Variants in ALDH16A1 observed in about 807,000 individuals in gnomAD.
ALDH16A1 encodes the protein aldehyde dehydrogenase 16 family member A1.
In ALDH16A1, 88 loss-of-function variants were observed where a neutral mutation model predicts 96.1. That is an observed-to-expected ratio of 0.92 (90% CI 0.77 to 1.09). The LOEUF (loss-of-function observed/expected upper bound fraction) is 1.09, where lower values mean the gene tolerates loss of function less well. Ranked by LOEUF, ALDH16A1 falls within the 50% of genes least tolerant of loss-of-function variation. ALDH16A1 has a pLI of 0.00. For synonymous variants in ALDH16A1, 522 were observed against 496.4 expected (o/e 1.05, Z -0.69); for missense variants, 1,250 against 1,112.6 (o/e 1.12, Z -1.76).
At position 49,470,630 on chromosome 19, in the gene ALDH16A1, C is replaced by A; in HGVS notation, c.*163C>A. The A allele has an allele frequency of 7.9e-6, 5 of 630,436 alleles. No individual in the cohort carries two copies. The South Asian group carries it at 1.4e-4, about 18-fold the overall frequency. The allele number at this position is 630,436 out of a possible 1,614,324, so 39.1% of individuals were successfully genotyped here. A position where few individuals can be genotyped will look rare whatever the true frequency, so the allele number is the denominator to read the frequency against. On this transcript the variant is annotated 3_prime_UTR_variant, in exon 17 of 17. Coordinates refer to ENST00000293350, the MANE Select transcript of ALDH16A1 (RefSeq NM_153329.4). ...GAAGAAAGGGTGTAGCAACTTCTGGCAGATATGAGGCTTTTTTCTTTTTTT... is the reference window on the plus strand; with the variant it reads ...GAAGAAAGGGTGTAGCAACTTCTGGAAGATATGAGGCTTTTTTCTTTTTTT...
At chr19:49,466,743 C>A (rs2079202671) in intron 14 of ALDH16A1, among the ~76,000 whole-genome samples, 1 of 151,294 alleles carries the variant, frequency 6.6e-6, no homozygotes, top group African/African-American at 2.4e-5. Flanking sequence ...ACCTATAGTC[C>A]CAGCTACTTA....
In ALDH16A1 at chr19:49,470,549, C is replaced by G; in HGVS notation, c.*82C>G. On this transcript the variant is annotated 3_prime_UTR_variant, in exon 17 of 17. Coordinates refer to ENST00000293350, the MANE Select transcript of ALDH16A1 (RefSeq NM_153329.4). ...CACAGACACCTGGGACTTTCCCCTT[C>G]TGGTTCCTGTGTCTCCCAATAAACT... The G allele has an allele frequency of 6.5e-6, 9 of 1,393,882 alleles. No individual in the cohort carries two copies. The highest frequency in any genetic ancestry group is 8.4e-6 in the Non-Finnish European group (9 of 1,066,584). 86.3% of individuals were successfully genotyped at this position (1,393,882 alleles called of 1,614,324 possible). A position where few individuals can be genotyped will look rare whatever the true frequency, so the allele number is the denominator to read the frequency against.
chr19:49,458,812 G>A (rs1231770797), intron 2 of ALDH16A1, 148 bp from the exon 3 acceptor site: 3 of 1,225,132 alleles, frequency 2.4e-6, no homozygotes, highest in Admixed American at 4.2e-5. Context: ...TAGCTTCCTT[G>A]CCCTGGAGGT....
Position 49,459,500 on chromosome 19 carries a change from T to C in ALDH16A1, c.321-170T>C, listed in dbSNP as rs2079125062. Among the ~76,000 whole-genome samples, 1 of 152,214 alleles carries C rather than the reference T, an allele frequency of 6.6e-6. No homozygotes were observed. The highest frequency in any genetic ancestry group is 2.1e-4 in the South Asian group (1 of 4,826). On this transcript the variant is annotated intron_variant, in intron 3 of 16. Transcript: ENST00000293350. This position sits in a 1 kb window ranked among gnomAD's most constrained non-coding sequence, Gnocchi z 4.1. ...CTTTACACAGCATCCTCAGGGTTTG[T>C]GTTTCCATGACTATAATTCTCATAA...
chr19:49,463,885 G>A lies in ALDH16A1; in HGVS notation c.1130G>A (p.Arg377His), dbSNP rs113108384. The change falls in exon 9 of 17, where the codon CGC becomes CAC. Residue 377 changes from arginine to histidine, a missense_variant. Arg to His is a conservative substitution (Grantham distance 29). Coordinates refer to ENST00000293350, the MANE Select transcript of ALDH16A1 (RefSeq NM_153329.4). Reference protein sequence around the residue: ...VFQAGDVPSERPFYPPTLVSN... With the variant: ...VFQAGDVPSEHPFYPPTLVSN... ...CAGGCTGGTGATGTGCCTTCGGAACGCCCATTCTATCCCCCAACCTTGGTC... is the reference window on the plus strand; with the variant it reads ...CAGGCTGGTGATGTGCCTTCGGAACACCCATTCTATCCCCCAACCTTGGTC... 4.0e-4 allele frequency: 646 copies of A among 1,613,294 alleles called. 4 individuals carry two copies. In the African/African-American group the frequency reaches 7.3e-3, roughly 18 times the overall value.
At position 49,464,708 on chromosome 19, in the gene ALDH16A1, C is replaced by T. The variant is rs1439960510; in HGVS notation, c.1514C>T (p.Thr505Ile). The T allele has an allele frequency of 6.2e-7, 1 of 1,613,590 alleles. No homozygotes were observed. ...SCLSKNLNYD[T>I]FGLAVPSTLP... ...CTCTCCAAGAACCTGAACTATGACA[C>T]CTTTGGCCTCGCTGTTCCCTCAACC... The change falls in exon 12 of 17, where the codon ACC (threonine) becomes ATC (isoleucine). Residue 505 changes from threonine (T) to isoleucine (I), a missense_variant. By Grantham distance (89) the Thr-to-Ile change is moderately conservative. Coordinates refer to ENST00000293350, the MANE Select transcript of ALDH16A1 (RefSeq NM_153329.4).
In ALDH16A1 at chr19:49,468,297, T is replaced by C; in HGVS notation, c.1939-84T>C. On this transcript the variant is annotated intron_variant, in intron 14 of 16. Transcript: ENST00000293350. The surrounding 1 kb of genome is among the most constrained non-coding windows in gnomAD (Gnocchi z 4.4). ...TGCGGTTTGGGCCAACACCAAGTGT[T>C]GGGGAGAATGTAGAGGAACTGGATC... 7.0e-7 allele frequency: 1 copy of C among 1,426,650 alleles called. No individual in the cohort carries two copies. 88.4% of individuals were successfully genotyped at this position (1,426,650 alleles called of 1,614,324 possible).
intron 1 of ALDH16A1, among the ~76,000 whole-genome samples, chr19:49,454,031 G>GTTTTTTTTTTTT (rs3033555): frequency 1.5e-5 from 2 of 135,184 alleles, no homozygotes; most frequent in Non-Finnish European, 1.5e-5. Context: ...TTTTTTTTTT[G>GTTTTTTTTTTTT]TTTTTTTTTT....
chr19:49,453,857 C>T (rs988897547), intron 1 of ALDH16A1, among the ~76,000 whole-genome samples: 1 of 152,016 alleles, frequency 6.6e-6, no homozygotes, highest in Non-Finnish European at 1.5e-5. Context: ...GCACCCCAGA[C>T]CTCCTGAGGG....
In ALDH16A1 at chr19:49,470,327, G is replaced by A; in HGVS notation, c.2269G>A (p.Ala757Thr). 1.2e-6 allele frequency: 2 copies of A among 1,613,442 alleles called. No homozygotes were observed. The highest frequency in any genetic ancestry group is 3.3e-5 in the Admixed American group (2 of 59,986). ...TCAGGGTTCCCAGTTTGTCGAGTGG[G>A]CCTCGGCAGGAAACCTCAAACCGGT... ...SAQGSQFVEWASAGNLKPVWA... is the reference protein window; with the variant it reads ...SAQGSQFVEWTSAGNLKPVWA... The change falls in exon 17 of 17, where the codon GCC becomes ACC. Residue 757 changes from alanine (A) to threonine (T), a missense_variant. By Grantham distance (58) the Ala-to-Thr change is moderately conservative. Coordinates refer to ENST00000293350, the MANE Select transcript of ALDH16A1 (RefSeq NM_153329.4).
At chr19:49,454,169 C>T (rs554194786) in intron 1 of ALDH16A1, among the ~76,000 whole-genome samples, 1 of 151,830 alleles carries the variant, frequency 6.6e-6, no homozygotes, top group African/African-American at 2.4e-5. Context: ...ACCAGAGACG[C>T]GCGCCACCAC....
chr19:49,458,698 G>A (rs937851895), intron 2 of ALDH16A1, 110 bp downstream of exon 2: 5 of 1,243,414 alleles, frequency 4.0e-6, no homozygotes, highest in African/African-American at 1.5e-5. Flanking sequence ...GAAACAGCTG[G>A]TGGTGGGAGA....
At chr19:49,454,051 G>T (rs1432363846) in intron 1 of ALDH16A1, among the ~76,000 whole-genome samples, 1 of 95,332 alleles carries the variant, frequency 1.0e-5, no homozygotes. Flanking sequence ...TTGAGCCAGG[G>T]TCTCACTCTG....
Position 49,459,254 on chromosome 19 carries a change from C to T in ALDH16A1, c.320+168C>T, listed in dbSNP as rs1313166973. Among the ~76,000 whole-genome samples, 1 of 152,236 alleles carries T rather than the reference C, an allele frequency of 6.6e-6. No homozygotes were observed. Among genetic ancestry groups the T allele is most frequent in the South Asian group, 2.1e-4 (1 of 4,828 alleles). On this transcript the variant is annotated intron_variant, in intron 3 of 16. Coordinates refer to ENST00000293350, the MANE Select transcript of ALDH16A1 (RefSeq NM_153329.4). This position sits in a 1 kb window ranked among gnomAD's most constrained non-coding sequence, Gnocchi z 4.1. ...CGTGGCTGAAACATGCATCCGTTGTCCACTATTCACTGGGACTAGAAGCCA... is the reference window on the plus strand; with the variant it reads ...CGTGGCTGAAACATGCATCCGTTGTTCACTATTCACTGGGACTAGAAGCCA...
At chr19:49,460,633 C>T (rs922427286) in intron 4 of ALDH16A1, among the ~76,000 whole-genome samples, 189 bp from the exon 5 acceptor site, 1 of 151,840 alleles carries the variant, frequency 6.6e-6, no homozygotes, top group African/African-American at 2.4e-5. Flanking sequence ...AGGCTGGTCT[C>T]GAACTTCCCA....
chr19:49,461,819 T>A lies in ALDH16A1; in HGVS notation c.759+19T>A. The stretch of plus-strand genomic sequence containing the variant: ...CCCGGAGGTACCTTCGGGACAGGGG[T>A]CGTGGCGGAACGCGGCTGGGGGCCG... On this transcript the variant is annotated intron_variant, in intron 6 of 16. Transcript: ENST00000293350. The A allele has an allele frequency of 1.9e-6, 3 of 1,607,004 alleles. No homozygotes were observed. Among genetic ancestry groups the A allele is most frequent in the Non-Finnish European group, 2.5e-6 (3 of 1,177,082 alleles).
chr19:49,462,941 G>C, intron 8 of ALDH16A1, among the ~76,000 whole-genome samples, 186 bp downstream of exon 8: 1 of 133,394 alleles, frequency 7.5e-6, no homozygotes, highest in Non-Finnish European at 1.6e-5. Flanking sequence ...TGAGGGAGGA[G>C]GTGCTGGGGC....
intron 1 of ALDH16A1, chr19:49,453,627 T>C: frequency 1.9e-6 from 1 of 526,796 alleles, no homozygotes; most frequent in South Asian, 2.7e-5. Context: ...GTTCCGGTCT[T>C]CCCCACTGGT....
intron 1 of ALDH16A1, among the ~76,000 whole-genome samples, chr19:49,457,769 C>G (rs150844677): frequency 5.9e-5 from 9 of 151,636 alleles, no homozygotes; most frequent in African/African-American, 2.2e-4. Context: ...ACCACCACAC[C>G]CGGCTAACTT....
Sources: allele counts gnomAD v4.1 joint callset (sites outside exome capture counted in the v4.1 genomes callset), GRCh38; gene constraint gnomAD v4.1.1; non-coding constraint Gnocchi (gnomAD v3.1); transcripts MANE v1.5; gene names NCBI Gene and HGNC (gene_info 2026-07-23, HGNC 2026-07-21).